Variants in UBE2E2 observed in about 807,000 individuals in gnomAD.
UBE2E2 encodes ubiquitin conjugating enzyme E2 E2.
UBE2E2 carries 6 observed loss-of-function variants against 24.7 expected under a neutral mutation model. The ratio of observed to expected loss-of-function variants is 0.24; its 90% CI spans 0.13 to 0.48. UBE2E2 has a LOEUF of 0.48. Ranked by LOEUF, UBE2E2 falls within the 20% of genes least tolerant of loss-of-function variation. UBE2E2 has a pLI of 0.99. For missense variants in UBE2E2, 169 were observed against 245.0 expected (o/e 0.69, Z 2.07); for synonymous variants, 104 against 83.6 (o/e 1.24, Z -1.33).
At chr3:23,342,773 G>A (rs907485303) in intron 3 of UBE2E2, among the ~76,000 whole-genome samples, 1 of 152,096 alleles carries the variant, frequency 6.6e-6, no homozygotes, top group Non-Finnish European at 1.5e-5. Context: ...GAATTTGATA[G>A]AAATGGGAGG....
chr3:23,589,635 C>A lies in UBE2E2; in HGVS notation c.509-99C>A. On this transcript the variant is annotated intron_variant, in intron 5 of 5. Transcript: ENST00000396703. The surrounding 1 kb of genome is among the most constrained non-coding windows in gnomAD (Gnocchi z 4.1). ...ATGGTGGTCCAGGTTAGAACAGCAGCTTCTCATCTCCTACCCTCCCACTCC... is the reference window on the plus strand; with the variant it reads ...ATGGTGGTCCAGGTTAGAACAGCAGATTCTCATCTCCTACCCTCCCACTCC... 1 of 1,227,878 alleles carries A rather than the reference C, an allele frequency of 8.1e-7. No individual in the cohort carries two copies. The highest frequency in any genetic ancestry group is 1.8e-5 in the Admixed American group (1 of 54,522). 76.1% of individuals were successfully genotyped at this position (1,227,878 alleles called of 1,614,324 possible).
chr3:23,350,939 T>G (rs1011220195), intron 3 of UBE2E2, among the ~76,000 whole-genome samples: 16 of 152,104 alleles, frequency 1.1e-4, no homozygotes, highest in African/African-American at 3.6e-4. Flanking sequence ...AATTGTCAGA[T>G]TCACCAAAGT....
chr3:23,458,243 A>G (rs1698724300), intron 3 of UBE2E2, among the ~76,000 whole-genome samples: 1 of 152,048 alleles, frequency 6.6e-6, no homozygotes, highest in East Asian at 1.9e-4. Context: ...AGGAAGGCCC[A>G]AGGAGAAGGG....
chr3:23,331,968 G>T (rs1695070288), intron 3 of UBE2E2, among the ~76,000 whole-genome samples: 1 of 152,074 alleles, frequency 6.6e-6, no homozygotes, highest in East Asian at 1.9e-4. Flanking sequence ...GATGAAGTTG[G>T]ACTGGATAAT....
chr3:23,477,783 C>T (rs189300764), intron 3 of UBE2E2, among the ~76,000 whole-genome samples: 3,465 of 152,316 alleles, frequency 0.023, 60 homozygotes, highest in Non-Finnish European at 0.035. Flanking sequence ...AAATTGTAAC[C>T]GCCATAATCG....
At chr3:23,427,311 T>C (rs1697949768) in intron 3 of UBE2E2, among the ~76,000 whole-genome samples, 2 of 150,648 alleles carry the variant, frequency 1.3e-5, no homozygotes, top group African/African-American at 2.4e-5. Context: ...GTGCCTGTAG[T>C]TCCAGCTATT....
At chr3:23,356,940 G>C (rs547232709) in intron 3 of UBE2E2, among the ~76,000 whole-genome samples, 1 of 152,354 alleles carries the variant, frequency 6.6e-6, no homozygotes, top group South Asian at 2.1e-4. Flanking sequence ...CAGATACACT[G>C]TGTAACTGGG....
chr3:23,554,613 A>G (rs755421268), intron 5 of UBE2E2, among the ~76,000 whole-genome samples: 90 of 152,342 alleles, frequency 5.9e-4, no homozygotes, highest in South Asian at 4.1e-4. Context: ...ACCTGAAGCC[A>G]TAAAACTCCT....
intron 3 of UBE2E2, among the ~76,000 whole-genome samples, chr3:23,235,054 G>T (rs535682843): frequency 1.3e-5 from 2 of 152,334 alleles, no homozygotes; most frequent in South Asian, 4.1e-4. Context: ...GATCAGCACT[G>T]TGCTGTATAC....
At chr3:23,260,628 C>A (rs756314432) in intron 3 of UBE2E2, among the ~76,000 whole-genome samples, 1 of 152,024 alleles carries the variant, frequency 6.6e-6, no homozygotes, top group Non-Finnish European at 1.5e-5. Flanking sequence ...GCCTGGGCAA[C>A]ATAGTAAAAC....
intron 5 of UBE2E2, chr3:23,534,319 C>T (rs1423405096): frequency 1.2e-6 from 1 of 856,406 alleles, no homozygotes; most frequent in Admixed American, 6.2e-5. Flanking sequence ...GACTTCTGTT[C>T]AGTGAACTAG....
chr3:23,392,235 T>G (rs1006714660), intron 3 of UBE2E2, among the ~76,000 whole-genome samples: 4 of 152,176 alleles, frequency 2.6e-5, no homozygotes, highest in Non-Finnish European at 5.9e-5. Context: ...ATATATAACA[T>G]TATGCTAGCA....
At chr3:23,419,025 C>G (rs1192687803) in intron 3 of UBE2E2, among the ~76,000 whole-genome samples, 1 of 151,150 alleles carries the variant, frequency 6.6e-6, no homozygotes, top group Non-Finnish European at 1.5e-5. Flanking sequence ...ATGATCATGA[C>G]TCCCTGCAGC....
At chr3:23,251,445 A>G (rs1036161062) in intron 3 of UBE2E2, among the ~76,000 whole-genome samples, 3 of 152,186 alleles carry the variant, frequency 2.0e-5, no homozygotes, top group Non-Finnish European at 2.9e-5. Flanking sequence ...TTACATTCGA[A>G]TCATCATCCA....
chr3:23,589,007 C>G lies in UBE2E2; in HGVS notation c.509-727C>G, dbSNP rs956281267. On this transcript the variant is annotated intron_variant, in intron 5 of 5. Transcript: ENST00000396703. The surrounding 1 kb of genome is among the most constrained non-coding windows in gnomAD (Gnocchi z 4.1). ...AAGGTAATCTGGCAGGAGAATGCCA[C>G]CTGCCTGTGGTGCTAGCCTAGGGTA... 1.3e-5 allele frequency among the ~76,000 whole-genome samples: 2 copies of G among 152,126 alleles called. No homozygotes were observed. The highest frequency in any genetic ancestry group is 1.3e-4 in the Admixed American group (2 of 15,272).
chr3:23,343,250 G>C (rs963141398), intron 3 of UBE2E2, among the ~76,000 whole-genome samples: 4 of 151,934 alleles, frequency 2.6e-5, no homozygotes, highest in Non-Finnish European at 5.9e-5. Flanking sequence ...AAAAAAGCAA[G>C]ACGCAAGACT....
intron 3 of UBE2E2, among the ~76,000 whole-genome samples, chr3:23,464,575 G>A (rs1441397356): frequency 2.0e-5 from 3 of 152,094 alleles, no homozygotes; most frequent in Admixed American, 6.6e-5. Flanking sequence ...GTGTCAAGTT[G>A]TACTTAAATT....
At chr3:23,285,381 G>A (rs1698593428) in intron 3 of UBE2E2, among the ~76,000 whole-genome samples, 1 of 152,108 alleles carries the variant, frequency 6.6e-6, no homozygotes, top group African/African-American at 2.4e-5. Flanking sequence ...CCTTTCTTTT[G>A]GGTATACTTA....
chr3:23,316,737 C>G (rs1694592178), intron 3 of UBE2E2, among the ~76,000 whole-genome samples: 1 of 152,062 alleles, frequency 6.6e-6, no homozygotes, highest in South Asian at 2.1e-4. Flanking sequence ...GCCTCAGAGT[C>G]TCGCTCAAGG....
Sources: allele counts gnomAD v4.1 joint callset (sites outside exome capture counted in the v4.1 genomes callset), GRCh38; gene constraint gnomAD v4.1.1; non-coding constraint Gnocchi (gnomAD v3.1); transcripts MANE v1.5; gene names NCBI Gene and HGNC (gene_info 2026-07-23, HGNC 2026-07-21).